The following CROCC2 variants were observed in gnomAD, a reference collection of about 807,000 sequenced individuals.
CROCC2 encodes ciliary rootlet coiled-coil protein 2.
CROCC2 carries 163 observed loss-of-function variants against 177.6 expected under a neutral mutation model. The ratio of observed to expected loss-of-function variants is 0.92; its 90% CI spans 0.81 to 1.05. The LOEUF (loss-of-function observed/expected upper bound fraction) is 1.05, where lower values mean the gene tolerates loss of function less well. Among genes scored for constraint, CROCC2 ranks in the 50% least tolerant of loss-of-function variants. The pLI, the probability that CROCC2 is intolerant of heterozygous loss-of-function variation, is 0.00. For synonymous variants in CROCC2, 904 were observed against 787.3 expected (o/e 1.15, Z -2.48); for missense variants, 1,929 against 1,797.8 (o/e 1.07, Z -1.32).
rs899179494 is a variant in CROCC2, at chr2:240,965,457, T to C, written c.3542T>C (p.Val1181Ala). The stretch of plus-strand genomic sequence containing the variant: ...CTGCAGGCGCAGTGCTCGCAGGAGG[T>C]GCTGGAGCTGCGGAGGCAGGCAGCC... ...HELQAQCSQE[V>A]LELRRQAAKA... is the part of the protein sequence containing the mutation. Residue 1181 changes from valine (V) to alanine (A), a missense_variant, in exon 23 of 32, where the codon GTG becomes GCG. By Grantham distance (64) the Val-to-Ala change is moderately conservative. This residue lies in a region of CROCC2 where 144 missense variants were observed against 205.2 expected (regional missense o/e 0.70). Transcript: ENST00000690015. 1.3e-6 allele frequency: 2 copies of C among 1,549,450 alleles called. No individual in the cohort carries two copies. Among genetic ancestry groups the C allele is most frequent in the African/African-American group, 2.7e-5 (2 of 72,882 alleles).
Position 240,968,215 on chromosome 2 carries a change from C to T in CROCC2, c.4354C>T (p.His1452Tyr), listed in dbSNP as rs545573923. 2.7e-5 allele frequency: 42 copies of T among 1,533,320 alleles called. No individual in the cohort carries two copies. Among genetic ancestry groups the T allele is most frequent in the Non-Finnish European group, 3.5e-5 (40 of 1,145,472 alleles). 95.0% of individuals were successfully genotyped at this position (1,533,320 alleles called of 1,614,324 possible). Residue 1452 changes from histidine to tyrosine, a missense_variant, in exon 27 of 32, where the codon CAC (histidine) becomes TAC (tyrosine). His to Tyr is a moderately conservative substitution (Grantham distance 83, BLOSUM62 2). Coordinates refer to ENST00000690015, the MANE Select transcript of CROCC2 (RefSeq NM_001351305.2). ...KEALRRLELE[H>Y]LASVRAAGQE... ...GGCGCTCCGCAGGCTGGAGTTGGAGCACCTGGCGAGCGTGCGTGCGGCAGG... is the reference window on the plus strand; with the variant it reads ...GGCGCTCCGCAGGCTGGAGTTGGAGTACCTGGCGAGCGTGCGTGCGGCAGG...
intron 20 of CROCC2, chr2:240,963,210 C>G (rs1021380613): frequency 2.1e-5 from 6 of 289,516 alleles, no homozygotes; most frequent in African/African-American, 1.3e-4. Context: ...GGGCCCCAGG[C>G]AGTGACAGTG....
intron 14 of CROCC2, among the ~76,000 whole-genome samples, chr2:240,941,827 A>G (rs79857700): frequency 0.045 from 6,889 of 152,318 alleles, 483 homozygotes; most frequent in African/African-American, 0.15. Context: ...TAATTGTGAT[A>G]GTATTAAGAG....
chr2:240,943,635 A>G (rs1421817085), intron 14 of CROCC2, among the ~76,000 whole-genome samples: 2 of 151,870 alleles, frequency 1.3e-5, no homozygotes, highest in Non-Finnish European at 2.9e-5. Context: ...TTACAGGCAT[A>G]TGCCCGGCTA....
rs552573403 is a variant in CROCC2 at position 240,964,285 on chromosome 2, G to A, written c.3306-181G>A. 35 of 697,440 alleles carry A rather than the reference G, an allele frequency of 5.0e-5. No homozygotes were observed. The East Asian group carries it at 6.0e-4, about 12-fold the overall frequency. 43.2% of individuals were successfully genotyped at this position (697,440 alleles called of 1,614,324 possible). A position where few individuals can be genotyped will look rare whatever the true frequency, so the allele number is the denominator to read the frequency against. Reference sequence around the variant, plus strand: ...GGACAGGGGCCATGCGGCCGGCACCGGGACCTGGGTGGACATATGTCTGTA... The same window carrying A: ...GGACAGGGGCCATGCGGCCGGCACCAGGACCTGGGTGGACATATGTCTGTA... On this transcript the variant is annotated intron_variant, in intron 21 of 31. Coordinates refer to ENST00000690015, the MANE Select transcript of CROCC2 (RefSeq NM_001351305.2).
intron 14 of CROCC2, among the ~76,000 whole-genome samples, chr2:240,941,597 G>T (rs2059494890): frequency 6.6e-6 from 1 of 152,182 alleles, no homozygotes; most frequent in African/African-American, 2.4e-5. Flanking sequence ...CTCTATTCAA[G>T]AAATGGTGCT....
chr2:240,959,104 G>A (rs1292745813), intron 19 of CROCC2, 197 bp from the exon 20 acceptor site: 20 of 592,566 alleles, frequency 3.4e-5, no homozygotes, highest in Admixed American at 2.6e-4. Flanking sequence ...GGCCGTGGAT[G>A]TCTCCTCATC....
intron 1 of CROCC2, among the ~76,000 whole-genome samples, chr2:240,913,318 G>T (rs1319084159): frequency 6.6e-6 from 1 of 151,780 alleles, no homozygotes; most frequent in African/African-American, 2.4e-5. Context: ...CTCTCTAGCT[G>T]GTGGGCTCTT....
At position 240,931,021 on chromosome 2, in the gene CROCC2, G is replaced by C. The variant is rs376955673; in HGVS notation, c.840G>C (p.Ser280=). 2 of 716,424 alleles carry C rather than the reference G, an allele frequency of 2.8e-6. No homozygotes were observed. Among genetic ancestry groups the C allele is most frequent in the Non-Finnish European group, 5.2e-6 (2 of 384,830 alleles). 44.4% of individuals were successfully genotyped at this position (716,424 alleles called of 1,614,324 possible). The change falls in exon 7 of 32, where the codon TCG becomes TCC. Residue 280 remains serine (S), a synonymous_variant. Coordinates refer to ENST00000690015, the MANE Select transcript of CROCC2 (RefSeq NM_001351305.2). The stretch of plus-strand genomic sequence containing the variant: ...ACCTCGACTCCAACCTGCGGCTGTC[G>C]GCCAGCAGCACGGCCAGCACCCTGG... The part of the protein sequence containing the change: ...CLNLDSNLRL[S]ASSTASTLGQ...
At position 240,955,948 on chromosome 2, in the gene CROCC2, A is replaced by G; in HGVS notation, c.2919A>G (p.Ala973=). 1 of 1,534,642 alleles carries G rather than the reference A, an allele frequency of 6.5e-7. No individual in the cohort carries two copies. Among genetic ancestry groups the G allele is most frequent in the South Asian group, 1.2e-5 (1 of 83,990 alleles). ...CGCTAGAGCGGGTACAGCAGGAGGC[A>G]CAGAGCCAGCAGGAGCAAGCGCAGG... is the stretch of plus-strand genomic sequence containing the variant. ...RRTLERVQQE[A]QSQQEQAQAT... is the part of the protein sequence containing the mutation. Residue 973 remains alanine (A), a synonymous_variant, in exon 19 of 32, where the codon GCA becomes GCG. Transcript: ENST00000690015.
rs1361009112 is a variant in CROCC2, at chr2:240,930,975, G to A, written c.794G>A (p.Arg265His). 1.1e-5 allele frequency: 8 copies of A among 715,292 alleles called. No individual in the cohort carries two copies. The highest frequency in any genetic ancestry group is 2.3e-4 in the Middle Eastern group (1 of 4,388). 44.3% of individuals were successfully genotyped at this position (715,292 alleles called of 1,614,324 possible). Residue 265 changes from arginine to histidine, a missense_variant, in exon 7 of 32, where the codon CGC becomes CAC. Physicochemically the swap from Arg to His is conservative, Grantham distance 29. Coordinates refer to ENST00000690015, the MANE Select transcript of CROCC2 (RefSeq NM_001351305.2). ...LQADTARTAR[R>H]LHTACLNLDS... Reference sequence around the variant, plus strand: ...GCAGACACGGCCAGGACAGCCCGCCGCCTGCACACCGCCTGCCTGAACCTC... The same window carrying A: ...GCAGACACGGCCAGGACAGCCCGCCACCTGCACACCGCCTGCCTGAACCTC...
intron 14 of CROCC2, among the ~76,000 whole-genome samples, chr2:240,942,657 G>C (rs1405288682): frequency 6.6e-6 from 1 of 152,156 alleles, no homozygotes; most frequent in Non-Finnish European, 1.5e-5. Flanking sequence ...TCAGAATAGG[G>C]ATAAATTGCC....
intron 3 of CROCC2, among the ~76,000 whole-genome samples, chr2:240,921,275 G>T (rs1004013127): frequency 6.6e-6 from 1 of 152,070 alleles, no homozygotes; most frequent in African/African-American, 2.4e-5. Context: ...GTTCTATCAC[G>T]CCCTGACCCC....
At chr2:240,957,102 C>G (rs1331011982) in intron 19 of CROCC2, among the ~76,000 whole-genome samples, 1 of 152,096 alleles carries the variant, frequency 6.6e-6, no homozygotes, top group Non-Finnish European at 1.5e-5. Context: ...GGAATGGGCT[C>G]AAGGCACCGG....
intron 27 of CROCC2, among the ~76,000 whole-genome samples, chr2:240,975,004 C>A (rs1371015883): frequency 6.6e-6 from 1 of 151,870 alleles, no homozygotes; most frequent in Non-Finnish European, 1.5e-5. Flanking sequence ...CTGGGTGGAT[C>A]TTTGTTTATG....
chr2:240,952,208 A>G (rs1279899675), intron 18 of CROCC2, among the ~76,000 whole-genome samples: 3 of 150,560 alleles, frequency 2.0e-5, no homozygotes, highest in African/African-American at 7.3e-5. Context: ...TTAGCCGGGC[A>G]TGGTGGTGGG....
intron 27 of CROCC2, among the ~76,000 whole-genome samples, chr2:240,968,716 C>A (rs1413146735): frequency 2.6e-5 from 4 of 152,258 alleles, no homozygotes; most frequent in Admixed American, 2.6e-4. Context: ...GTGGCTCAGA[C>A]ACAGAAGGGG....
chr2:240,916,494 C>CCA (rs2059321781), intron 1 of CROCC2, among the ~76,000 whole-genome samples: 1 of 100,770 alleles, frequency 9.9e-6, no homozygotes, highest in East Asian at 4.7e-4. Context: ...CCCGCGCCCC[C>CCA]TGCGCTCCCC....
chr2:240,927,213 GCTGCT>G (rs2106458230), intron 5 of CROCC2, among the ~76,000 whole-genome samples: 1 of 152,304 alleles, frequency 6.6e-6, no homozygotes, highest in African/African-American at 2.4e-5. Flanking sequence ...CTTCTCACCG[GCTGCT>G]CTGAAGACCC....
Sources: gnomAD v4.1 joint callset for allele counts (sites outside exome capture counted in the v4.1 genomes callset) on GRCh38, gnomAD v4.1.1 for gene constraint, gnomAD v4.1.1 regional missense constraint, MANE v1.5 for transcripts, NCBI Gene and HGNC (gene_info 2026-07-23, HGNC 2026-07-21) for gene names.